The following ATRNL1 variants were observed in gnomAD, a reference collection of about 807,000 sequenced individuals.
ATRNL1 encodes the protein attractin-like protein 1.
A neutral mutation model predicts 182.7 loss-of-function variants in ATRNL1; 95 were observed. The observed-to-expected ratio is 0.52, with a 90% CI of 0.44 to 0.62. The LOEUF (loss-of-function observed/expected upper bound fraction) is 0.62. Ranked by LOEUF, ATRNL1 falls within the 20% of genes least tolerant of loss-of-function variation. The pLI, the probability that ATRNL1 is intolerant of heterozygous loss-of-function variation, is 0.00. For missense variants in ATRNL1, 1,471 were observed against 1,679.5 expected (o/e 0.88, Z 2.17); for synonymous variants, 576 against 568.3 (o/e 1.01, Z -0.19).
intron 26 of ATRNL1, among the ~76,000 whole-genome samples, chr10:115,611,945 T>C (rs1281694867): frequency 2.6e-5 from 4 of 151,762 alleles, no homozygotes; most frequent in African/African-American, 4.8e-5. Flanking sequence ...GAAGGGGGAA[T>C]TGGAAAATAA....
chr10:115,638,707 CTTATT>C (rs1859048689), intron 26 of ATRNL1, among the ~76,000 whole-genome samples: 1 of 152,062 alleles, frequency 6.6e-6, no homozygotes, highest in South Asian at 2.1e-4. Flanking sequence ...ATGTATAAAA[CTTATT>C]TTAAATAAAG....
intron 5 of ATRNL1, among the ~76,000 whole-genome samples, chr10:115,142,592 C>A (rs1845796002): frequency 6.6e-6 from 1 of 152,058 alleles, no homozygotes; most frequent in South Asian, 2.1e-4. Context: ...AATGAGGGAG[C>A]CATTGAAGGA....
At chr10:115,196,536 A>G (rs80074637) in intron 8 of ATRNL1, among the ~76,000 whole-genome samples, 3,790 of 151,840 alleles carry the variant, frequency 0.025, 158 homozygotes, top group African/African-American at 0.086. Flanking sequence ...CTTTAACAAT[A>G]TGGAGTCTTG....
At chr10:115,571,406 C>A (rs988870390) in intron 26 of ATRNL1, among the ~76,000 whole-genome samples, 1 of 152,182 alleles carries the variant, frequency 6.6e-6, no homozygotes, top group Non-Finnish European at 1.5e-5. Context: ...CCAACACTAT[C>A]TATTAATACA....
chr10:115,903,412 C>T (rs543539733), intron 28 of ATRNL1, among the ~76,000 whole-genome samples: 4 of 152,140 alleles, frequency 2.6e-5, no homozygotes, highest in Non-Finnish European at 5.9e-5. Context: ...GTCTCTCCCT[C>T]CCCCTGTCTG....
At position 115,945,470 on chromosome 10, in the gene ATRNL1, C is replaced by T. The variant is rs1322485508; in HGVS notation, c.*691C>T. The T allele has an allele frequency of 6.6e-6, 1 of 152,088 alleles. No individual in the cohort carries two copies. Among genetic ancestry groups the T allele is most frequent in the African/African-American group, 2.4e-5 (1 of 41,432 alleles). The allele number at this position is 152,088 out of a possible 1,614,324, so 9.4% of individuals were successfully genotyped here. On this transcript the variant is annotated 3_prime_UTR_variant, in exon 29 of 29. Transcript: ENST00000355044. ...TGTCATCCATGCCAACTACCTAACT[C>T]GTTATCAGAGCTGATAGAGCATGGA...
intron 19 of ATRNL1, among the ~76,000 whole-genome samples, chr10:115,336,179 G>C (rs2134079108): frequency 6.6e-6 from 1 of 152,264 alleles, no homozygotes; most frequent in Non-Finnish European, 1.5e-5. Flanking sequence ...CATATTGCTA[G>C]TTAGAGTAAG....
At chr10:115,783,982 C>A (rs1157318851) in intron 27 of ATRNL1, among the ~76,000 whole-genome samples, 2 of 152,144 alleles carry the variant, frequency 1.3e-5, no homozygotes, top group African/African-American at 4.8e-5. Flanking sequence ...CACTGCCCTC[C>A]AGCCTGGTGA....
intron 26 of ATRNL1, among the ~76,000 whole-genome samples, chr10:115,674,653 T>C (rs1555042420): frequency 1.3e-5 from 2 of 152,082 alleles, no homozygotes; most frequent in South Asian, 2.1e-4. Context: ...TTATAGACTT[T>C]CTTCAAAAGA....
In ATRNL1 at chr10:115,315,633, G is replaced by A; in HGVS notation, c.2934G>A (p.Arg978=). ...GACATTGCATTGAAGGTTCTTCACG[G>A]GGACCAATGAAGCTTATTGGAATGC... ...GRGHCIEGSS[R]GPMKLIGMHH... is the part of the protein sequence containing the mutation. The change falls in exon 18 of 29, where the codon CGG becomes CGA. Residue 978 remains arginine (R), a synonymous_variant. Coordinates refer to ENST00000355044, the MANE Select transcript of ATRNL1 (RefSeq NM_207303.4). The A allele has an allele frequency of 3.7e-6, 6 of 1,613,878 alleles. No homozygotes were observed. The highest frequency in any genetic ancestry group is 5.1e-6 in the Non-Finnish European group (6 of 1,179,936).
chr10:115,583,810 G>T (rs1471105554), intron 26 of ATRNL1, among the ~76,000 whole-genome samples: 1 of 150,268 alleles, frequency 6.7e-6, no homozygotes, highest in Non-Finnish European at 1.5e-5. Flanking sequence ...GGTGAGAGAG[G>T]GCATCCCTGT....
chr10:115,304,476 G>C (rs1322560148), intron 17 of ATRNL1, among the ~76,000 whole-genome samples: 1 of 152,178 alleles, frequency 6.6e-6, no homozygotes, highest in Admixed American at 6.5e-5. Context: ...TGGTTTTAAG[G>C]AGCAGAGAGT....
intron 26 of ATRNL1, among the ~76,000 whole-genome samples, chr10:115,636,525 C>G (rs1858884077): frequency 6.6e-6 from 1 of 152,152 alleles, no homozygotes; most frequent in Admixed American, 6.5e-5. Flanking sequence ...TATGTGCTAA[C>G]AAAGAGAATG....
At position 115,211,920 on chromosome 10, in the gene ATRNL1, T is replaced by A. The variant is rs186121139; in HGVS notation, c.1349-3777T>A. Among the ~76,000 whole-genome samples the A allele has an allele frequency of 6.6e-5, 10 of 152,154 alleles. No homozygotes were observed. The East Asian group carries it at 1.9e-3, about 29-fold the overall frequency. On this transcript the variant is annotated intron_variant, in intron 8 of 28. Transcript: ENST00000355044. ...ATGGTGCTACAAATGTTGGATCATT[T>A]GTTATTGTCCTAAGGGTCTCTGAGA...
At chr10:115,166,586 G>GT (rs1847054918) in intron 7 of ATRNL1, among the ~76,000 whole-genome samples, 1 of 151,336 alleles carries the variant, frequency 6.6e-6, no homozygotes, top group Non-Finnish European at 1.5e-5. Flanking sequence ...TTCTGTTTTT[G>GT]TTTTTTTGAT....
chr10:115,257,609 T>G (rs1851209084), intron 10 of ATRNL1, among the ~76,000 whole-genome samples: 1 of 152,194 alleles, frequency 6.6e-6, no homozygotes, highest in African/African-American at 2.4e-5. Context: ...CCATTTCCAT[T>G]TAAGGTTAAT....
intron 7 of ATRNL1, among the ~76,000 whole-genome samples, chr10:115,169,477 G>T (rs1415269512): frequency 6.6e-6 from 1 of 152,020 alleles, no homozygotes; most frequent in East Asian, 1.9e-4. Context: ...TCAAAGTGCT[G>T]GGATTACAGT....
chr10:115,657,898 A>C (rs1860425730), intron 26 of ATRNL1, among the ~76,000 whole-genome samples: 1 of 152,130 alleles, frequency 6.6e-6, no homozygotes, highest in Admixed American at 6.6e-5. Flanking sequence ...CTAACTAAAC[A>C]TATCACAAAA....
At chr10:115,144,823 T>C (rs1845905309) in intron 5 of ATRNL1, among the ~76,000 whole-genome samples, 1 of 152,188 alleles carries the variant, frequency 6.6e-6, no homozygotes, top group South Asian at 2.1e-4. Context: ...GATAATACAG[T>C]AGCAGTTTCC....
Sources: gnomAD v4.1 joint callset for allele counts (sites outside exome capture counted in the v4.1 genomes callset) on GRCh38, gnomAD v4.1.1 for gene constraint, MANE v1.5 for transcripts, NCBI Gene and HGNC (gene_info 2026-07-23, HGNC 2026-07-21) for gene names.